SHC3: variants seen among roughly 807,000 people sequenced by gnomAD.
The protein encoded by SHC3 is SHC-transforming protein 3.
In SHC3, 15 loss-of-function variants were observed where a neutral mutation model predicts 60.4. The observed-to-expected ratio is 0.25, with a 90% confidence interval of 0.17 to 0.38. The LOEUF (loss-of-function observed/expected upper bound fraction) is 0.38, where lower values mean the gene tolerates loss of function less well. SHC3 is among the 10% of genes least tolerant of loss of function. SHC3 has a pLI of 1.00. For missense variants in SHC3, 677 were observed against 786.1 expected, an observed-to-expected ratio of 0.86 and a Z score of 1.66; for synonymous variants, 294 against 325.9, an observed-to-expected ratio of 0.90 and a Z score of 1.05.
chr9:89,030,024 A>G (rs559097963), intron 11 of SHC3, among the ~76,000 whole-genome samples: 7 of 152,300 alleles, frequency 4.6e-5, no homozygotes, highest in African/African-American at 1.7e-4. Context: ...TAAAGGAGAG[A>G]AAAGAATGTG....
chr9:89,126,024 C>T (rs986164167), intron 1 of SHC3, among the ~76,000 whole-genome samples: 3 of 152,084 alleles, frequency 2.0e-5, no homozygotes, highest in African/African-American at 7.2e-5. Context: ...ATCCAAGAAC[C>T]CTCTCTTGGG....
At chr9:89,080,757 A>G (rs201954943) in intron 2 of SHC3, among the ~76,000 whole-genome samples, 3 of 122,368 alleles carry the variant, frequency 2.5e-5, no homozygotes, top group Non-Finnish European at 5.3e-5. Context: ...ATATATATAT[A>G]TGTATGTATA....
Position 89,058,869 on chromosome 9 carries a change from C to T in SHC3, c.835+6660G>A, listed in dbSNP as rs576542881. Among the ~76,000 whole-genome samples, 448 of 83,258 alleles carry T rather than the reference C, an allele frequency of 5.4e-3. 4 individuals carry two copies. The highest frequency in any genetic ancestry group is 0.02 in the African/African-American group (417 of 20,594). The allele number at this position is 83,258 out of a possible 152,430, so 54.6% of individuals were successfully genotyped here. On this transcript the variant is annotated intron_variant, in intron 6 of 11. Transcript: ENST00000375835. ...GGTGGTGTTAGGACGTGGTGGAGGA[C>T]GTGGTGGAAGACATGGTGGAGGACA... is the stretch of plus-strand genomic sequence containing the variant.
At chr9:89,029,822 A>G (rs564305240) in intron 11 of SHC3, among the ~76,000 whole-genome samples, 12 of 152,348 alleles carry the variant, frequency 7.9e-5, no homozygotes, top group African/African-American at 2.9e-4. Context: ...CATCTGTAAA[A>G]AAAGTACATA....
At chr9:89,169,961 G>A (rs917069297) in intron 1 of SHC3, among the ~76,000 whole-genome samples, 11 of 152,128 alleles carry the variant, frequency 7.2e-5, no homozygotes, top group Non-Finnish European at 1.6e-4. Flanking sequence ...GTGTGAGGCG[G>A]GTTAGGCTCC....
chr9:89,078,959 A>T (rs1263062168), intron 2 of SHC3, among the ~76,000 whole-genome samples: 1 of 152,250 alleles, frequency 6.6e-6, no homozygotes, highest in Non-Finnish European at 1.5e-5. Flanking sequence ...GACGAAAAAT[A>T]ATCACCATAA....
rs1051759829 is a variant in SHC3 at position 89,177,968 on chromosome 9, G to C, written c.474+19C>G. On this transcript the variant is annotated intron_variant, in intron 1 of 11. Transcript: ENST00000375835. ...CCCCAGAACCCCCAGCCCCCAGGGC[G>C]GCCCGCGCCCGCACCCACCTTGACC... 8.2e-7 allele frequency: 1 copy of C among 1,214,544 alleles called. No homozygotes were observed. Among genetic ancestry groups the C allele is most frequent in the African/African-American group, 1.6e-5 (1 of 63,566 alleles). The allele number at this position is 1,214,544 out of a possible 1,614,324, so 75.2% of individuals were successfully genotyped here. A position where few individuals can be genotyped will look rare whatever the true frequency, so the allele number is the denominator to read the frequency against.
chr9:89,058,930 G>C (rs1409133159), intron 6 of SHC3, among the ~76,000 whole-genome samples: 1 of 143,980 alleles, frequency 6.9e-6, no homozygotes, highest in Non-Finnish European at 1.5e-5. Flanking sequence ...GTGGTGTTAG[G>C]ACGTGGTAGA....
Position 89,013,459 on chromosome 9 carries a change from C to T in SHC3, c.1773G>A (p.Glu591=), listed in dbSNP as rs771325338. ...GSELCLQQPV[E]RKQ ...AGTGCTGGCCAGGTCACTGCTTCCT[C>T]TCCACTGGCTGCTGGAGACACAGCT... Residue 591 remains glutamate (E), a synonymous_variant, in exon 12 of 12, where the codon GAG becomes GAA. Coordinates refer to ENST00000375835, the MANE Select transcript of SHC3 (RefSeq NM_016848.6). 1.2e-5 allele frequency: 19 copies of T among 1,612,694 alleles called. No individual in the cohort carries two copies. The East Asian group carries it at 3.8e-4, about 32-fold the overall frequency.
At chr9:89,062,069 A>C (rs2117968613) in intron 6 of SHC3, among the ~76,000 whole-genome samples, 1 of 152,316 alleles carries the variant, frequency 6.6e-6, no homozygotes, top group East Asian at 1.9e-4. Flanking sequence ...AAGTATACGA[A>C]TTACATGCCT....
At chr9:89,033,023 C>G (rs1046467938) in intron 11 of SHC3, among the ~76,000 whole-genome samples, 1 of 145,420 alleles carries the variant, frequency 6.9e-6, no homozygotes, top group Non-Finnish European at 1.5e-5. Flanking sequence ...AAAAGCCCCC[C>G]CACCGAAGAA....
intron 1 of SHC3, among the ~76,000 whole-genome samples, chr9:89,134,241 T>C (rs1362962502): frequency 6.6e-6 from 1 of 152,120 alleles, no homozygotes; most frequent in African/African-American, 2.4e-5. Context: ...ATTTCTTGCC[T>C]GTGTTTAAAG....
chr9:89,129,497 C>A (rs1217210654), intron 1 of SHC3, among the ~76,000 whole-genome samples: 1 of 152,110 alleles, frequency 6.6e-6, no homozygotes, highest in African/African-American at 2.4e-5. Context: ...ATGTTAAGGG[C>A]AGCCAGAGAG....
chr9:89,178,451 G>A lies in SHC3; in HGVS notation c.10C>T (p.Arg4Cys). 1 of 1,449,944 alleles carries A rather than the reference G, an allele frequency of 6.9e-7. No individual in the cohort carries two copies. The highest frequency in any genetic ancestry group is 9.2e-7 in the Non-Finnish European group (1 of 1,091,742). The allele number at this position is 1,449,944 out of a possible 1,614,324, so 89.8% of individuals were successfully genotyped here. Residue 4 changes from arginine to cysteine, a missense_variant, in exon 1 of 12, where the codon CGC becomes TGC. Arg to Cys is a radical substitution (Grantham distance 180, BLOSUM62 -3). Coordinates refer to ENST00000375835, the MANE Select transcript of SHC3 (RefSeq NM_016848.6). This position sits in a 1 kb window ranked among gnomAD's most constrained non-coding sequence, Gnocchi z 6.9. ...TTCCTGAAGCGGTTATACTTGGTGCGTGGAAGCATGCCCCTCCGTGGGCTC... is the reference window on the plus strand; with the variant it reads ...TTCCTGAAGCGGTTATACTTGGTGCATGGAAGCATGCCCCTCCGTGGGCTC... MLP[R>C]TKYNRFRNDS...
intron 1 of SHC3, among the ~76,000 whole-genome samples, chr9:89,156,313 C>T (rs1366248850): frequency 1.3e-5 from 2 of 152,148 alleles, no homozygotes; most frequent in Non-Finnish European, 2.9e-5. Context: ...GTGGACCCTC[C>T]AGCCCCAGTC....
chr9:89,062,483 A>C (rs1337346283), intron 6 of SHC3, among the ~76,000 whole-genome samples: 1 of 152,252 alleles, frequency 6.6e-6, no homozygotes, highest in Non-Finnish European at 1.5e-5. Flanking sequence ...TCTTGATACC[A>C]GAGAGACAAA....
rs776233901 is a variant in SHC3, at chr9:89,045,704, AGTGT to A, written c.1201+38_1201+41del. 84 of 1,586,842 alleles carry A rather than the reference AGTGT, an allele frequency of 5.3e-5. 1 individual carries two copies. In the South Asian group the frequency reaches 6.8e-4, roughly 13 times the overall value. On this transcript the variant is annotated intron_variant, in intron 9 of 11. Transcript: ENST00000375835. Reference sequence around the variant, plus strand: ...AGTGGTGAGCATGTTACTTTTGAAAAGTGTCTTTTGTGTTTCTCACCCATCTCAC... The same window carrying A: ...AGTGGTGAGCATGTTACTTTTGAAAACTTTTGTGTTTCTCACCCATCTCAC...
At chr9:89,139,283 A>C (rs1485037957) in intron 1 of SHC3, among the ~76,000 whole-genome samples, 2 of 152,230 alleles carry the variant, frequency 1.3e-5, no homozygotes, top group African/African-American at 4.8e-5. Context: ...CAATGAGACT[A>C]GAATCTAATA....
intron 2 of SHC3, among the ~76,000 whole-genome samples, chr9:89,091,934 A>C (rs1364586884): frequency 7.5e-6 from 1 of 132,874 alleles, no homozygotes; most frequent in Non-Finnish European, 1.8e-5. Context: ...GACTCCAATA[A>C]AAAAAATGGG....
Sources: gnomAD v4.1 joint callset for allele counts (sites outside exome capture counted in the v4.1 genomes callset) on GRCh38, gnomAD v4.1.1 for gene constraint, Gnocchi (gnomAD v3.1) non-coding constraint, MANE v1.5 for transcripts, NCBI Gene and HGNC (gene_info 2026-07-23, HGNC 2026-07-21) for gene names.